Variants in SEPTIN9 observed in about 807,000 individuals in gnomAD.
SEPTIN9 encodes the protein septin-9.
Under a neutral mutation model 56.6 loss-of-function variants are expected in SEPTIN9, and 13 were observed. The observed-to-expected ratio is 0.23, with a 90% confidence interval of 0.15 to 0.37. The LOEUF is 0.37. Among genes scored for constraint, SEPTIN9 ranks in the 10% least tolerant of loss-of-function variants. SEPTIN9 has a pLI of 1.00. For synonymous variants in SEPTIN9, 332 were observed against 334.1 expected, an observed-to-expected ratio of 0.99 and a Z score of 0.07; for missense variants, 650 against 823.1, an observed-to-expected ratio of 0.79 and a Z score of 2.57.
intron 2 of SEPTIN9, among the ~76,000 whole-genome samples, chr17:77,355,585 T>G (rs1423031179): frequency 6.6e-6 from 1 of 152,126 alleles, no homozygotes; most frequent in African/African-American, 2.4e-5. Context: ...TGCTCCTGCT[T>G]CTTGGTGGGT....
chr17:77,330,734 G>T lies in SEPTIN9; in HGVS notation c.76+23537G>T, dbSNP rs962532535. ...GACCATCACGGGGACTGGGGGAGAGGCACAGGCATGCCTGTCCGGCAGCAG... is the reference window on the plus strand; with the variant it reads ...GACCATCACGGGGACTGGGGGAGAGTCACAGGCATGCCTGTCCGGCAGCAG... On this transcript the variant is annotated intron_variant, in intron 2 of 11. Coordinates refer to ENST00000427177, the MANE Select transcript of SEPTIN9 (RefSeq NM_001113491.2). The surrounding 1 kb of genome is among the most constrained non-coding windows in gnomAD (Gnocchi z 4.4). 2.0e-5 allele frequency among the ~76,000 whole-genome samples: 3 copies of T among 152,220 alleles called. No individual in the cohort carries two copies. The highest frequency in any genetic ancestry group is 7.2e-5 in the African/African-American group (3 of 41,452).
In SEPTIN9 at chr17:77,458,906, G is replaced by T. The variant is rs962766012; in HGVS notation, c.722-23238G>T. Reference sequence around the variant, plus strand: ...AATTTCACCAGAGCTCAGGGAGGAGGTCAGCTCAGATATAGGGGCAACGGG... The same window carrying T: ...AATTTCACCAGAGCTCAGGGAGGAGTTCAGCTCAGATATAGGGGCAACGGG... On this transcript the variant is annotated intron_variant, in intron 3 of 11. Coordinates refer to ENST00000427177, the MANE Select transcript of SEPTIN9 (RefSeq NM_001113491.2). Among the ~76,000 whole-genome samples the T allele has an allele frequency of 4.6e-5, 7 of 152,248 alleles. No individual in the cohort carries two copies. The South Asian group carries it at 8.3e-4, about 18-fold the overall frequency.
intron 3 of SEPTIN9, among the ~76,000 whole-genome samples, chr17:77,477,490 T>C (rs2039265217): frequency 6.6e-6 from 1 of 152,244 alleles, no homozygotes; most frequent in South Asian, 2.1e-4. Flanking sequence ...GGCTGAGAAA[T>C]AGTCCGCTGT....
Position 77,389,855 on chromosome 17 carries a change from G to T in SEPTIN9, c.77-12204G>T, listed in dbSNP as rs535246479. ...AGCAGCTGGTTTAGAACCCGGGGGT[G>T]GGGGGAGCGCTAGACCAGTGCAGCA... On this transcript the variant is annotated intron_variant, in intron 2 of 11. Transcript: ENST00000427177. The surrounding 1 kb of genome is among the most constrained non-coding windows in gnomAD (Gnocchi z 4.3). 6.6e-6 allele frequency among the ~76,000 whole-genome samples: 1 copy of T among 152,212 alleles called. No homozygotes were observed. Among genetic ancestry groups the T allele is most frequent in the African/African-American group, 2.4e-5 (1 of 41,456 alleles).
At chr17:77,394,996 G>A (rs1303359289) in intron 2 of SEPTIN9, among the ~76,000 whole-genome samples, 1 of 152,160 alleles carries the variant, frequency 6.6e-6, no homozygotes, top group African/African-American at 2.4e-5. Flanking sequence ...TTTTCCAGAG[G>A]TGGGGATGGG....
At chr17:77,287,099 G>T (rs762175940) in intron 1 of SEPTIN9, among the ~76,000 whole-genome samples, 18 of 152,228 alleles carry the variant, frequency 1.2e-4, no homozygotes, top group Non-Finnish European at 2.2e-4. Context: ...CTCAGTCTCC[G>T]GGAGAGTCCT....
chr17:77,321,666 G>A (rs1156487960), intron 2 of SEPTIN9, among the ~76,000 whole-genome samples: 2 of 152,210 alleles, frequency 1.3e-5, no homozygotes, highest in Admixed American at 1.3e-4. Context: ...GGGATTACAG[G>A]CGTGAGCCAC....
intron 3 of SEPTIN9, among the ~76,000 whole-genome samples, chr17:77,480,663 G>A (rs537049599): frequency 2.4e-4 from 36 of 152,292 alleles, no homozygotes; most frequent in African/African-American, 3.4e-4. Flanking sequence ...TGGCTCCCAC[G>A]CCGGCTCCAC....
intron 2 of SEPTIN9, among the ~76,000 whole-genome samples, chr17:77,354,608 G>A (rs2034165570): frequency 1.3e-5 from 2 of 152,150 alleles, no homozygotes; most frequent in Non-Finnish European, 2.9e-5. Context: ...CGGGTGGACA[G>A]GCCTGCTTGT....
Position 77,281,531 on chromosome 17 carries a change from G to T in SEPTIN9, c.-5G>T. 6.5e-7 allele frequency: 1 copy of T among 1,549,468 alleles called. No individual in the cohort carries two copies. Among genetic ancestry groups the T allele is most frequent in the Non-Finnish European group, 8.7e-7 (1 of 1,147,330 alleles). Reference sequence around the variant, plus strand: ...TTTCCTGGGAGCGGCGGCCACGGAGGCACCATGAAGAAGTCTTACTCAGGT... The same window carrying T: ...TTTCCTGGGAGCGGCGGCCACGGAGTCACCATGAAGAAGTCTTACTCAGGT... On this transcript the variant is annotated 5_prime_UTR_variant, in exon 1 of 12. Coordinates refer to ENST00000427177, the MANE Select transcript of SEPTIN9 (RefSeq NM_001113491.2).
intron 2 of SEPTIN9, among the ~76,000 whole-genome samples, chr17:77,324,975 C>A (rs185706477): frequency 6.6e-6 from 1 of 152,110 alleles, no homozygotes; most frequent in African/African-American, 2.4e-5. Flanking sequence ...CCCGCCACCA[C>A]ACCCAGCTAA....
chr17:77,477,834 C>A (rs1293826199), intron 3 of SEPTIN9, among the ~76,000 whole-genome samples: 1 of 152,194 alleles, frequency 6.6e-6, no homozygotes, highest in Non-Finnish European at 1.5e-5. Context: ...CTGTCCAAAT[C>A]AGAACCTTTC....
At chr17:77,349,241 C>T (rs895280097) in intron 2 of SEPTIN9, among the ~76,000 whole-genome samples, 1 of 152,176 alleles carries the variant, frequency 6.6e-6, no homozygotes, top group African/African-American at 2.4e-5. Flanking sequence ...CTCAGCCTCC[C>T]AAGTAGCTGG....
chr17:77,292,889 C>T (rs1009631258), intron 1 of SEPTIN9, among the ~76,000 whole-genome samples: 4 of 152,198 alleles, frequency 2.6e-5, no homozygotes, highest in Non-Finnish European at 4.4e-5. Flanking sequence ...TCCCCTTGGC[C>T]CCCTGGCCCT....
At position 77,324,921 on chromosome 17, in the gene SEPTIN9, C is replaced by T. The variant is rs1305823165; in HGVS notation, c.76+17724C>T. On this transcript the variant is annotated intron_variant, in intron 2 of 11. Coordinates refer to ENST00000427177, the MANE Select transcript of SEPTIN9 (RefSeq NM_001113491.2). The stretch of plus-strand genomic sequence containing the variant: ...GCAACCTCCGCCTCCCTGGTTCCAG[C>T]GATTTTCCTGCCTCAGCCTCCTGAG... Among the ~76,000 whole-genome samples the T allele has an allele frequency of 2.6e-5, 4 of 151,096 alleles. No homozygotes were observed. In the East Asian group the frequency reaches 5.9e-4, roughly 22 times the overall value.
intron 3 of SEPTIN9, among the ~76,000 whole-genome samples, chr17:77,440,402 G>A (rs533868530): frequency 2.6e-4 from 40 of 152,296 alleles, no homozygotes; most frequent in African/African-American, 8.9e-4. Context: ...TGATCCGCCT[G>A]CCTTCGCCTC....
chr17:77,477,236 T>C (rs2039252589), intron 3 of SEPTIN9, among the ~76,000 whole-genome samples: 1 of 152,072 alleles, frequency 6.6e-6, no homozygotes, highest in Non-Finnish European at 1.5e-5. Flanking sequence ...CACAACCTTC[T>C]ATAAGCATCA....
chr17:77,390,110 G>T lies in SEPTIN9; in HGVS notation c.77-11949G>T, dbSNP rs1412495011. Among the ~76,000 whole-genome samples the T allele has an allele frequency of 2.0e-5, 3 of 151,976 alleles. No individual in the cohort carries two copies. In the East Asian group the frequency reaches 5.9e-4, roughly 30 times the overall value. On this transcript the variant is annotated intron_variant, in intron 2 of 11. Coordinates refer to ENST00000427177, the MANE Select transcript of SEPTIN9 (RefSeq NM_001113491.2). ...CTGCCTTTCAAGAAGAGGACCCAAG[G>T]CCCTGTGAGCGGTGGCCTCCTCTGG...
At chr17:77,334,625 A>G (rs1199123187) in intron 2 of SEPTIN9, among the ~76,000 whole-genome samples, 1 of 151,964 alleles carries the variant, frequency 6.6e-6, no homozygotes, top group African/African-American at 2.4e-5. Flanking sequence ...TCGATTTATG[A>G]TTTTTGTGAC....
Sources: allele counts gnomAD v4.1 joint callset (sites outside exome capture counted in the v4.1 genomes callset), GRCh38; gene constraint gnomAD v4.1.1; non-coding constraint Gnocchi (gnomAD v3.1); transcripts MANE v1.5; gene names NCBI Gene and HGNC (gene_info 2026-07-23, HGNC 2026-07-21).